Variants in WWOX observed in about 807,000 individuals in gnomAD.
WWOX encodes the protein WW domain-containing oxidoreductase.
WWOX carries 69 observed loss-of-function variants against 46.2 expected under a neutral mutation model. The ratio of observed to expected loss-of-function variants is 1.49; its 90% confidence interval spans 1.23 to 1.82. The LOEUF (loss-of-function observed/expected upper bound fraction) is 1.82, where lower values mean the gene tolerates loss of function less well. Among genes scored for constraint, WWOX ranks in the 40% most tolerant of loss-of-function variants. The pLI, the probability that WWOX is intolerant of heterozygous loss-of-function variation, is 0.00. For synonymous variants in WWOX, 359 were observed against 202.6 expected, an observed-to-expected ratio of 1.77 and a Z score of -6.56; for missense variants, 919 against 542.6, an observed-to-expected ratio of 1.69 and a Z score of -6.89.
intron 8 of WWOX, among the ~76,000 whole-genome samples, chr16:78,706,720 G>C (rs2048334968): frequency 6.6e-6 from 1 of 152,114 alleles, no homozygotes; most frequent in Non-Finnish European, 1.5e-5. Flanking sequence ...TTTGACCTGT[G>C]GGTACACATG....
Position 78,340,274 on chromosome 16 carries a change from G to A in WWOX, c.517-46586G>A, listed in dbSNP as rs573062530. Among the ~76,000 whole-genome samples the A allele has an allele frequency of 8.2e-4, 93 of 113,440 alleles. 26 individuals are homozygous for A. Among genetic ancestry groups the A allele is most frequent in the Non-Finnish European group, 1.6e-3 (78 of 48,158 alleles). The allele number at this position is 113,440 out of a possible 152,430, so 74.4% of individuals were successfully genotyped here. A position where few individuals can be genotyped will look rare whatever the true frequency, so the allele number is the denominator to read the frequency against. The stretch of plus-strand genomic sequence containing the variant: ...TGCAGTGGTGTGATCCTGCCTAACT[G>A]CAACCTCCACCTCCCAGGTTCAAGT... On this transcript the variant is annotated intron_variant, in intron 5 of 8. Transcript: ENST00000566780.
chr16:78,422,430 G>A (rs534647258), intron 6 of WWOX, among the ~76,000 whole-genome samples: 1 of 151,040 alleles, frequency 6.6e-6, no homozygotes, highest in Non-Finnish European at 1.5e-5. Context: ...TGCAGCCCTT[G>A]AACTCCTGGG....
At chr16:78,521,966 C>G (rs1351623481) in intron 8 of WWOX, among the ~76,000 whole-genome samples, 1 of 151,962 alleles carries the variant, frequency 6.6e-6, no homozygotes, top group Non-Finnish European at 1.5e-5. Flanking sequence ...AAGCTCACAG[C>G]AGGCCCATTT....
At chr16:78,214,519 TC>T (rs1209278077) in intron 5 of WWOX, among the ~76,000 whole-genome samples, 2 of 152,162 alleles carry the variant, frequency 1.3e-5, no homozygotes, top group African/African-American at 4.8e-5. Flanking sequence ...CGAAGTCTCT[TC>T]CTGGACCTCA....
intron 5 of WWOX, chr16:78,168,208 CTCCATCCCAACTTGTTCT>C (rs1423765228): frequency 7.2e-5 from 11 of 152,258 alleles, no homozygotes; most frequent in African/African-American, 2.7e-4. Context: ...GAGTTCATTC[CTCCATCCCAACTTGTTCT>C]TCCCTGCCCA....
chr16:78,587,743 T>C (rs1434709578), intron 8 of WWOX, among the ~76,000 whole-genome samples: 1 of 152,140 alleles, frequency 6.6e-6, no homozygotes, highest in African/African-American at 2.4e-5. Flanking sequence ...GAGCTGGATA[T>C]AGACATTTGT....
intron 8 of WWOX, among the ~76,000 whole-genome samples, chr16:78,594,429 G>GCCTCCCC (rs1171391505): frequency 1.5e-4 from 5 of 32,380 alleles, no homozygotes; most frequent in Non-Finnish European, 2.6e-4. Flanking sequence ...CTGAGGAAAG[G>GCCTCCCC]CCCCCCCCCC....
At chr16:78,700,491 G>C (rs112744502) in intron 8 of WWOX, among the ~76,000 whole-genome samples, 2,655 of 152,142 alleles carry the variant, frequency 0.017, 65 homozygotes, top group African/African-American at 0.061. Flanking sequence ...GAAGAGAGAG[G>C]AACATATTCA....
chr16:79,046,152 G>A lies in WWOX; in HGVS notation c.1057-165456G>A, dbSNP rs372633984. Among the ~76,000 whole-genome samples, 212 of 152,244 alleles carry A rather than the reference G, an allele frequency of 1.4e-3. 5 individuals carry two copies. The South Asian group carries it at 0.043, about 31-fold the overall frequency. ...GATAATAATCCTCCCTTGCAGGACTGTGCTCAGCACATGTTCATTGCTCAA... is the reference window on the plus strand; with the variant it reads ...GATAATAATCCTCCCTTGCAGGACTATGCTCAGCACATGTTCATTGCTCAA... On this transcript the variant is annotated intron_variant, in intron 8 of 8. Transcript: ENST00000566780.
At chr16:78,993,545 G>A (rs763913992) in intron 8 of WWOX, among the ~76,000 whole-genome samples, 1 of 152,182 alleles carries the variant, frequency 6.6e-6, no homozygotes, top group Non-Finnish European at 1.5e-5. Context: ...CTATTACAGT[G>A]TTATCAGCTG....
intron 8 of WWOX, among the ~76,000 whole-genome samples, chr16:78,633,148 G>T (rs1352118008): frequency 6.6e-6 from 1 of 152,044 alleles, no homozygotes; most frequent in Admixed American, 6.5e-5. Context: ...TGTAATCCCA[G>T]TTACTCGGGA....
chr16:78,310,748 C>G (rs1463417591), intron 5 of WWOX, among the ~76,000 whole-genome samples: 1 of 152,218 alleles, frequency 6.6e-6, no homozygotes, highest in African/African-American at 2.4e-5. Flanking sequence ...AGGAGTTTTA[C>G]TCACCTTTGC....
At chr16:79,059,286 T>A (rs114973057) in intron 8 of WWOX, among the ~76,000 whole-genome samples, 3,992 of 152,302 alleles carry the variant, frequency 0.026, 162 homozygotes, top group African/African-American at 0.085. Flanking sequence ...GACACCCTCA[T>A]GTTGAAGTCC....
At chr16:79,119,334 G>C (rs1422988852) in intron 8 of WWOX, among the ~76,000 whole-genome samples, 1 of 152,186 alleles carries the variant, frequency 6.6e-6, no homozygotes, top group Non-Finnish European at 1.5e-5. Flanking sequence ...TTGGATTGGA[G>C]GGTTTCTAAA....
chr16:79,183,069 C>T lies in WWOX; in HGVS notation c.1057-28539C>T, dbSNP rs781660155. ...CCGTCTTCCATGTTGGGGTGCTCTT[C>T]TCTGGCAACCCACTATGGGTACTCC... On this transcript the variant is annotated intron_variant, in intron 8 of 8. Coordinates refer to ENST00000566780, the MANE Select transcript of WWOX (RefSeq NM_016373.4). Among the ~76,000 whole-genome samples, 3 of 152,214 alleles carry T rather than the reference C, an allele frequency of 2.0e-5. No homozygotes were observed. The East Asian group carries it at 5.8e-4, about 29-fold the overall frequency.
intron 3 of WWOX, chr16:78,112,025 C>G (rs2032520589): frequency 1.3e-5 from 2 of 152,610 alleles, no homozygotes; most frequent in African/African-American, 2.4e-5. Flanking sequence ...GTCTCCACAT[C>G]TTGGTGGTAG....
chr16:78,645,891 A>G (rs1028035178), intron 8 of WWOX, among the ~76,000 whole-genome samples: 6 of 152,044 alleles, frequency 3.9e-5, no homozygotes, highest in African/African-American at 1.4e-4. Context: ...CGATTTCTGG[A>G]GGCCACCTGT....
intron 8 of WWOX, among the ~76,000 whole-genome samples, chr16:78,597,077 G>T (rs993505891): frequency 2.6e-5 from 4 of 152,178 alleles, no homozygotes; most frequent in African/African-American, 9.7e-5. Flanking sequence ...CTGGAGCCAG[G>T]TGCTTACGAC....
chr16:78,099,687 G>C lies in WWOX; in HGVS notation c.-92G>C. On this transcript the variant is annotated 5_prime_UTR_variant, in exon 1 of 9. Coordinates refer to ENST00000566780, the MANE Select transcript of WWOX (RefSeq NM_016373.4). ...CAGGCGTGAGCGGTCGGGCCCCGAC[G>C]CGCGCGGGTCTCGTTTGGAGCGGGA... is the stretch of plus-strand genomic sequence containing the variant. The C allele has an allele frequency of 7.0e-7, 1 of 1,433,802 alleles. No individual in the cohort carries two copies. The highest frequency in any genetic ancestry group is 9.2e-7 in the Non-Finnish European group (1 of 1,091,250). 88.8% of individuals were successfully genotyped at this position (1,433,802 alleles called of 1,614,324 possible).
Sources: allele counts gnomAD v4.1 joint callset (sites outside exome capture counted in the v4.1 genomes callset), GRCh38; gene constraint gnomAD v4.1.1; transcripts MANE v1.5; gene names NCBI Gene and HGNC (gene_info 2026-07-23, HGNC 2026-07-21).